FBN1: variants seen among roughly 807,000 people sequenced by gnomAD.
FBN1 encodes fibrillin 1.
Under a neutral mutation model 365.1 loss-of-function variants are expected in FBN1, and 29 were observed. That is an observed-to-expected ratio of 0.08 (90% confidence interval 0.06 to 0.11). The LOEUF (loss-of-function observed/expected upper bound fraction) is 0.11, where lower values mean the gene tolerates loss of function less well. Ranked by LOEUF, FBN1 falls within the 10% of genes least tolerant of loss-of-function variation. The pLI is 1.00. For missense variants in FBN1, 2,476 were observed against 3,703.2 expected (o/e 0.67, Z 8.60); for synonymous variants, 1,210 against 1,270.5 (o/e 0.95, Z 1.01).
intron 2 of FBN1, among the ~76,000 whole-genome samples, chr15:48,617,562 T>A (rs1889682330): frequency 6.6e-6 from 1 of 151,728 alleles, no homozygotes; most frequent in African/African-American, 2.4e-5. Flanking sequence ...GTATGTTACA[T>A]TTTTTTAAAA....
At chr15:48,503,149 T>G (rs1407374875) in intron 17 of FBN1, among the ~76,000 whole-genome samples, 1 of 151,028 alleles carries the variant, frequency 6.6e-6, no homozygotes, top group Non-Finnish European at 1.5e-5. Context: ...AATACAAAAA[T>G]TAGCCGGGCG....
At chr15:48,469,109 TTACATATATATATAA>T (rs2043348684) in intron 36 of FBN1, among the ~76,000 whole-genome samples, 2 of 101,092 alleles carry the variant, frequency 2.0e-5, no homozygotes, top group Admixed American at 1.9e-4. Flanking sequence ...ATAATATATA[TTACATATATATATAA>T]AATATAATAT....
chr15:48,492,218 G>T (rs1260606773), intron 24 of FBN1, among the ~76,000 whole-genome samples: 1 of 152,152 alleles, frequency 6.6e-6, no homozygotes, highest in Non-Finnish European at 1.5e-5. Context: ...GCCGATTTAA[G>T]AGCTCTGGAA....
At chr15:48,574,041 T>C (rs1029685398) in intron 6 of FBN1, among the ~76,000 whole-genome samples, 3 of 152,210 alleles carry the variant, frequency 2.0e-5, no homozygotes, top group Non-Finnish European at 4.4e-5. Flanking sequence ...GCAGAGACCA[T>C]GAAGCTGTGT....
Position 48,411,082 on chromosome 15 carries a change from G to A in FBN1, c.8524C>T (p.Leu2842Phe), listed in dbSNP as rs755903722. 32 of 1,613,818 alleles carry A rather than the reference G, an allele frequency of 2.0e-5. No individual in the cohort carries two copies. The highest frequency in any genetic ancestry group is 2.6e-5 in the Non-Finnish European group (31 of 1,179,938). Residue 2842 changes from leucine to phenylalanine, a missense_variant, in exon 66 of 66, where the codon CTT (leucine) becomes TTT (phenylalanine). Coordinates refer to ENST00000316623, the MANE Select transcript of FBN1 (RefSeq NM_000138.5). ...SSTPLYKKKE[L>F]NQLEDKYDKD... Reference sequence around the variant, plus strand: ...TCATATTTGTCTTCTAGTTGGTTAAGTTCTTTCTTTTTATAAAGTGGAGTA... The same window carrying A: ...TCATATTTGTCTTCTAGTTGGTTAAATTCTTTCTTTTTATAAAGTGGAGTA...
In FBN1 at chr15:48,516,197, G is replaced by A. The variant is rs2043799037; in HGVS notation, c.1313C>T (p.Ser438Phe). 2 of 1,613,652 alleles carry A rather than the reference G, an allele frequency of 1.2e-6. No individual in the cohort carries two copies. The highest frequency in any genetic ancestry group is 1.7e-4 in the Middle Eastern group (1 of 6,032). Reference sequence around the variant, plus strand: ...TGAATTCTTACTTGGTGGCTCCCGAGATGGATACAGATATTCCACTGGTGG... The same window carrying A: ...TGAATTCTTACTTGGTGGCTCCCGAAATGGATACAGATATTCCACTGGTGG... ...PRPPVEYLYP[S>F]REPPRVLPVN... The change falls in exon 11 of 66, where the codon TCT becomes TTT. Residue 438 changes from serine to phenylalanine, a missense_variant. By Grantham distance (155) the Ser-to-Phe change is radical. Coordinates refer to ENST00000316623, the MANE Select transcript of FBN1 (RefSeq NM_000138.5).
chr15:48,576,068 T>C (rs1464500130), intron 6 of FBN1, among the ~76,000 whole-genome samples: 2 of 152,138 alleles, frequency 1.3e-5, no homozygotes, highest in Non-Finnish European at 2.9e-5. Flanking sequence ...GTCTGAAGTA[T>C]TATGAAGTCT....
intron 2 of FBN1, among the ~76,000 whole-genome samples, chr15:48,634,857 C>CCACACACACACACA (rs57811526): frequency 4.3e-5 from 3 of 69,174 alleles, no homozygotes; most frequent in Non-Finnish European, 7.5e-5. Context: ...AAAAAAAAAA[C>CCACACACACACACA]CACACACACA....
rs1246446564 is a variant in FBN1, at chr15:48,503,770, T to C, written c.2113+17A>G. 18 of 1,613,246 alleles carry C rather than the reference T, an allele frequency of 1.1e-5. No homozygotes were observed. Among genetic ancestry groups the C allele is most frequent in the Non-Finnish European group, 1.5e-5 (18 of 1,179,880 alleles). On this transcript the variant is annotated intron_variant, in intron 17 of 65. Transcript: ENST00000316623. ...AGAAGGCTGGCAGTACGAGGGCATC[T>C]CCATGATACCACATACCTGAATTCT...
At chr15:48,510,228 A>G in intron 13 of FBN1, 59 bp from the exon 14 acceptor site, 2 of 1,563,068 alleles carry the variant, frequency 1.3e-6, no homozygotes, top group Middle Eastern at 1.7e-4. Context: ...AAATTATTTT[A>G]TTTCCCCCTC....
chr15:48,554,824 T>C (rs2141377302), intron 6 of FBN1, among the ~76,000 whole-genome samples: 1 of 152,348 alleles, frequency 6.6e-6, no homozygotes, highest in East Asian at 1.9e-4. Flanking sequence ...TTATTTACTT[T>C]CTGATCCACA....
At chr15:48,421,124 C>T (rs112499017) in intron 62 of FBN1, among the ~76,000 whole-genome samples, 2 of 151,768 alleles carry the variant, frequency 1.3e-5, no homozygotes, top group African/African-American at 4.8e-5. Context: ...GAAACCAAAA[C>T]GTGTCAAAGC....
intron 22 of FBN1, 68 bp downstream of exon 22, chr15:48,495,055 C>T: frequency 6.3e-7 from 1 of 1,592,980 alleles, no homozygotes; most frequent in Non-Finnish European, 8.6e-7. Context: ...AAATGAAATA[C>T]TAGGCTTCCC....
At chr15:48,639,621 A>G (rs1890164410) in intron 2 of FBN1, among the ~76,000 whole-genome samples, 1 of 152,204 alleles carries the variant, frequency 6.6e-6, no homozygotes, top group African/African-American at 2.4e-5. Flanking sequence ...TAAAATGCTT[A>G]TAATAGGATT....
Position 48,484,433 on chromosome 15 carries a change from G to A in FBN1, c.3713-490C>T, listed in dbSNP as rs193152917. Among the ~76,000 whole-genome samples, 229 of 151,138 alleles carry A rather than the reference G, an allele frequency of 1.5e-3. 1 individual carries two copies. The highest frequency in any genetic ancestry group is 5.2e-3 in the African/African-American group (212 of 41,070). Reference sequence around the variant, plus strand: ...TGTCACCAGGCTGGAGTGCAATGGCGCGATCTTGGCTCACTGCAACCACCG... The same window carrying A: ...TGTCACCAGGCTGGAGTGCAATGGCACGATCTTGGCTCACTGCAACCACCG... On this transcript the variant is annotated intron_variant, in intron 30 of 65. Coordinates refer to ENST00000316623, the MANE Select transcript of FBN1 (RefSeq NM_000138.5).
chr15:48,484,632 C>T (rs898993018), intron 30 of FBN1, among the ~76,000 whole-genome samples: 24 of 152,258 alleles, frequency 1.6e-4, no homozygotes, highest in African/African-American at 5.1e-4. Context: ...CAGCCTCCCA[C>T]AGTGCTGGGA....
rs2291118 is a variant in FBN1 at position 48,510,305 on chromosome 15, A to G, written c.1589-136T>C. On this transcript the variant is annotated intron_variant, in intron 13 of 65. Coordinates refer to ENST00000316623, the MANE Select transcript of FBN1 (RefSeq NM_000138.5). ...TACTTAATAATATTCTCCAACATAA[A>G]TTGGTTATCAAATAATGTGATATTT... The G allele has an allele frequency of 0.019, 15,120 of 810,576 alleles. 1,490 individuals are homozygous for G. The East Asian group carries it at 0.26, about 14-fold the overall frequency. 50.2% of individuals were successfully genotyped at this position (810,576 alleles called of 1,614,324 possible).
intron 6 of FBN1, among the ~76,000 whole-genome samples, chr15:48,564,966 A>G (rs1248643345): frequency 6.6e-6 from 1 of 152,206 alleles, no homozygotes; most frequent in African/African-American, 2.4e-5. Flanking sequence ...CCTATGTACC[A>G]AGTATTAGAC....
intron 6 of FBN1, among the ~76,000 whole-genome samples, chr15:48,566,682 T>C (rs956368428): frequency 2.0e-5 from 3 of 152,234 alleles, no homozygotes; most frequent in Admixed American, 6.5e-5. Context: ...CTTAAAATCA[T>C]AGACTGTGAG....
Sources: gnomAD v4.1 joint callset for allele counts (sites outside exome capture counted in the v4.1 genomes callset) on GRCh38, gnomAD v4.1.1 for gene constraint, MANE v1.5 for transcripts, NCBI Gene and HGNC (gene_info 2026-07-23, HGNC 2026-07-21) for gene names.